The following AMPH variants were observed in gnomAD, a reference collection of about 807,000 sequenced individuals.
AMPH encodes the protein amphiphysin.
Under a neutral mutation model 99.1 loss-of-function variants are expected in AMPH, and 49 were observed. That is an observed-to-expected ratio of 0.49 (90% CI 0.39 to 0.63). The LOEUF is 0.63. Among genes scored for constraint, AMPH ranks in the 20% least tolerant of loss-of-function variants. AMPH has a pLI of 0.00. For synonymous variants in AMPH, 314 were observed against 317.3 expected (o/e 0.99, Z 0.11); for missense variants, 759 against 863.4 (o/e 0.88, Z 1.52).
At chr7:38,578,026 C>T (rs1271881027) in intron 1 of AMPH, among the ~76,000 whole-genome samples, 1 of 152,200 alleles carries the variant, frequency 6.6e-6, no homozygotes, top group African/African-American at 2.4e-5. Flanking sequence ...CACGACTACA[C>T]TGTACTTAGT....
At chr7:38,534,252 C>T (rs917744420) in intron 2 of AMPH, among the ~76,000 whole-genome samples, 4 of 152,076 alleles carry the variant, frequency 2.6e-5, no homozygotes, top group African/African-American at 9.7e-5. Flanking sequence ...GTTGCGAATG[C>T]ATGCTCTTGA....
intron 1 of AMPH, among the ~76,000 whole-genome samples, chr7:38,548,024 CA>C (rs1370987062): frequency 3.2e-4 from 37 of 117,052 alleles, no homozygotes; most frequent in African/African-American, 1.2e-3. Context: ...TCCTTGTGGG[CA>C]AATTTTTTTT....
chr7:38,549,840 T>C (rs1256055286), intron 1 of AMPH, among the ~76,000 whole-genome samples: 5 of 152,246 alleles, frequency 3.3e-5, no homozygotes, highest in African/African-American at 1.2e-4. Context: ...ATTCACCAGA[T>C]ATACTGGTTC....
intron 2 of AMPH, among the ~76,000 whole-genome samples, chr7:38,528,654 T>C (rs912065336): frequency 1.1e-4 from 17 of 152,100 alleles, no homozygotes; most frequent in African/African-American, 3.6e-4. Flanking sequence ...ATTAATTTTA[T>C]TGACTTTTTT....
At chr7:38,409,461 G>C (rs950632055) in intron 17 of AMPH, among the ~76,000 whole-genome samples, 3 of 152,162 alleles carry the variant, frequency 2.0e-5, no homozygotes, top group Non-Finnish European at 2.9e-5. Context: ...AAACAATTCA[G>C]GTCATAATTT....
chr7:38,543,404 A>G (rs1292687587), intron 1 of AMPH, among the ~76,000 whole-genome samples: 1 of 152,234 alleles, frequency 6.6e-6, no homozygotes, highest in African/African-American at 2.4e-5. Flanking sequence ...GCTGCTTGTG[A>G]TGATGGGTAT....
intron 1 of AMPH, among the ~76,000 whole-genome samples, chr7:38,594,477 T>C (rs891884): frequency 0.82 from 124,699 of 152,072 alleles, 51,396 homozygotes; most frequent in Non-Finnish European, 0.84. Flanking sequence ...ATGTGATCTA[T>C]TAACAACCTG....
intron 1 of AMPH, among the ~76,000 whole-genome samples, chr7:38,585,551 C>T (rs1365460711): frequency 6.6e-6 from 1 of 152,186 alleles, no homozygotes; most frequent in Non-Finnish European, 1.5e-5. Context: ...AATACATTCC[C>T]TTTACACATA....
chr7:38,494,806 A>T (rs1176068398), intron 3 of AMPH, among the ~76,000 whole-genome samples: 1 of 152,176 alleles, frequency 6.6e-6, no homozygotes, highest in Non-Finnish European at 1.5e-5. Context: ...TACAATAATC[A>T]TAGTGTGTCC....
At chr7:38,441,388 A>T (rs1256180910) in intron 11 of AMPH, among the ~76,000 whole-genome samples, 2 of 152,146 alleles carry the variant, frequency 1.3e-5, no homozygotes, top group African/African-American at 4.8e-5. Context: ...CCTAATTTAC[A>T]CTTATAACAT....
intron 19 of AMPH, 113 bp downstream of exon 19, chr7:38,391,635 T>A: frequency 9.3e-7 from 1 of 1,075,210 alleles, no homozygotes; most frequent in South Asian, 1.7e-5. Context: ...GGGAAAGCAG[T>A]TCACAGAAAT....
At chr7:38,539,122 G>A (rs1282301192) in intron 1 of AMPH, among the ~76,000 whole-genome samples, 1 of 152,190 alleles carries the variant, frequency 6.6e-6, no homozygotes, top group African/African-American at 2.4e-5. Context: ...GGACCCAGAG[G>A]TATGGTCAAA....
intron 1 of AMPH, among the ~76,000 whole-genome samples, chr7:38,591,487 A>G (rs1792855458): frequency 6.6e-6 from 1 of 152,072 alleles, no homozygotes; most frequent in Non-Finnish European, 1.5e-5. Flanking sequence ...AGGTTTTACC[A>G]TGTTGGCCAG....
At chr7:38,451,540 C>T (rs1787038426) in intron 11 of AMPH, among the ~76,000 whole-genome samples, 1 of 151,768 alleles carries the variant, frequency 6.6e-6, no homozygotes, top group Non-Finnish European at 1.5e-5. Flanking sequence ...TACCAAACAC[C>T]CATTTCCTAG....
chr7:38,607,800 C>T (rs1178725551), intron 1 of AMPH, among the ~76,000 whole-genome samples: 4 of 152,168 alleles, frequency 2.6e-5, no homozygotes, highest in African/African-American at 9.7e-5. Flanking sequence ...GAAAATAGGA[C>T]CTGAGACTTC....
At chr7:38,462,476 T>G (rs1368070007) in intron 10 of AMPH, among the ~76,000 whole-genome samples, 1 of 152,212 alleles carries the variant, frequency 6.6e-6, no homozygotes, top group Non-Finnish European at 1.5e-5. Flanking sequence ...CAGCCCTTAT[T>G]GTTTCTCTTC....
intron 5 of AMPH, among the ~76,000 whole-genome samples, chr7:38,487,626 G>A (rs141373839): frequency 6.6e-4 from 100 of 152,204 alleles, no homozygotes; most frequent in African/African-American, 1.9e-3. Flanking sequence ...AAGACTGCAC[G>A]ACTAAAACAC....
intron 10 of AMPH, among the ~76,000 whole-genome samples, chr7:38,462,596 C>T (rs1787490836): frequency 6.6e-6 from 1 of 152,198 alleles, no homozygotes; most frequent in South Asian, 2.1e-4. Flanking sequence ...AACATAACCG[C>T]TTTTCTTGGC....
At chr7:38,462,932 T>C (rs367888259) in intron 10 of AMPH, 43 bp downstream of exon 10, 8 of 1,505,216 alleles carry the variant, frequency 5.3e-6, no homozygotes, top group East Asian at 2.3e-5. Flanking sequence ...CACCTTCATC[T>C]CATCATGAGC....
Sources: allele counts gnomAD v4.1 joint callset (sites outside exome capture counted in the v4.1 genomes callset), GRCh38; gene constraint gnomAD v4.1.1; transcripts MANE v1.5; gene names NCBI Gene and HGNC (gene_info 2026-07-23, HGNC 2026-07-21).